The following SPIN1 variants were observed in gnomAD, a reference collection of about 807,000 sequenced individuals.
SPIN1 encodes spindlin 1, also known as spindlin-1.
SPIN1 carries 3 observed loss-of-function variants against 26.0 expected under a neutral mutation model. The ratio of observed to expected loss-of-function variants is 0.12; its 90% CI spans 0.05 to 0.30. SPIN1 has a LOEUF of 0.30. Among genes scored for constraint, SPIN1 ranks in the 10% least tolerant of loss-of-function variants. SPIN1 has a pLI of 1.00. For synonymous variants in SPIN1, 101 were observed against 116.5 expected, an observed-to-expected ratio of 0.87 and a Z score of 0.86; for missense variants, 126 against 333.4, an observed-to-expected ratio of 0.38 and a Z score of 4.84.
chr9:88,445,107 G>A (rs1828219570), intron 2 of SPIN1, among the ~76,000 whole-genome samples: 3 of 152,246 alleles, frequency 2.0e-5, no homozygotes, highest in Non-Finnish European at 2.9e-5. Flanking sequence ...ACTCAGCACT[G>A]AGTACATCCA....
At chr9:88,445,381 G>A (rs973869564) in intron 2 of SPIN1, among the ~76,000 whole-genome samples, 3 of 151,854 alleles carry the variant, frequency 2.0e-5, no homozygotes, top group East Asian at 3.9e-4. Flanking sequence ...CTCTGTCCAC[G>A]TCTCAGTGCG....
rs1201279939 is a variant in SPIN1 at position 88,426,392 on chromosome 9, A to T, written c.-148A>T. The T allele has an allele frequency of 5.1e-6, 3 of 593,004 alleles. No homozygotes were observed. Among genetic ancestry groups the T allele is most frequent in the Non-Finnish European group, 6.1e-6 (2 of 329,104 alleles). The allele number at this position is 593,004 out of a possible 1,614,324, so 36.7% of individuals were successfully genotyped here. On this transcript the variant is annotated 5_prime_UTR_variant, in exon 2 of 6. Coordinates refer to ENST00000375859, the MANE Select transcript of SPIN1 (RefSeq NM_006717.3). The stretch of plus-strand genomic sequence containing the variant: ...TTCACTATTTTACAGAGTGCTTGTG[A>T]TTTCACGTATTTTTGCTGAACTCGT...
rs1828499494 is a variant in SPIN1, at chr9:88,457,792, T to C, written c.102-4704T>C. On this transcript the variant is annotated intron_variant, in intron 3 of 5. Coordinates refer to ENST00000375859, the MANE Select transcript of SPIN1 (RefSeq NM_006717.3). The stretch of plus-strand genomic sequence containing the variant: ...TTTACCTGAAAGAATTACCAGAGGA[T>C]GTATCTAGAAAGACAGAATATACAT... 27 of 956,150 alleles carry C rather than the reference T, an allele frequency of 2.8e-5. No homozygotes were observed. In the South Asian group the frequency reaches 1.1e-3, roughly 38 times the overall value. 59.2% of individuals were successfully genotyped at this position (956,150 alleles called of 1,614,324 possible). A position where few individuals can be genotyped will look rare whatever the true frequency, so the allele number is the denominator to read the frequency against.
chr9:88,405,536 C>CTTT (rs757565862), intron 1 of SPIN1, among the ~76,000 whole-genome samples: 2 of 110,730 alleles, frequency 1.8e-5, no homozygotes, highest in Non-Finnish European at 1.7e-5. Context: ...CTGTACTATC[C>CTTT]TTTTTTTTTT....
At chr9:88,473,559 C>G (rs1370048572) in intron 5 of SPIN1, among the ~76,000 whole-genome samples, 1 of 151,756 alleles carries the variant, frequency 6.6e-6, no homozygotes, top group African/African-American at 2.4e-5. Flanking sequence ...TTAACCTAAT[C>G]ATAGGAAATG....
At chr9:88,395,128 A>G (rs765383914) in intron 1 of SPIN1, among the ~76,000 whole-genome samples, 1 of 151,928 alleles carries the variant, frequency 6.6e-6, no homozygotes, top group Non-Finnish European at 1.5e-5. Context: ...ATTTTTTAAC[A>G]TGTAGAACAT....
At chr9:88,464,307 T>TA (rs1240783537) in intron 4 of SPIN1, among the ~76,000 whole-genome samples, 1 of 152,256 alleles carries the variant, frequency 6.6e-6, no homozygotes, top group Admixed American at 6.5e-5. Flanking sequence ...AAACAGCAGT[T>TA]ACTTTGGCAT....
At chr9:88,389,629 C>T (rs1264592099) in intron 1 of SPIN1, among the ~76,000 whole-genome samples, 1 of 152,154 alleles carries the variant, frequency 6.6e-6, no homozygotes, top group East Asian at 1.9e-4. Context: ...ATACCAGGAA[C>T]ATTTAAATGT....
In SPIN1 at chr9:88,463,701, T is replaced by A. The variant is rs565845702; in HGVS notation, c.355+952T>A. The stretch of plus-strand genomic sequence containing the variant: ...CTTTAGATATCAAATGCTAAATCCT[T>A]GCTCATCTGTATAAATATGGTTCAG... On this transcript the variant is annotated intron_variant, in intron 4 of 5. Transcript: ENST00000375859. Among the ~76,000 whole-genome samples, 6 of 152,366 alleles carry A rather than the reference T, an allele frequency of 3.9e-5. No individual in the cohort carries two copies. In the South Asian group the frequency reaches 1.2e-3, roughly 32 times the overall value.
chr9:88,405,417 CGG>C (rs1587775677), intron 1 of SPIN1, among the ~76,000 whole-genome samples: 1 of 151,138 alleles, frequency 6.6e-6, no homozygotes, highest in East Asian at 2.0e-4. Flanking sequence ...TTAGTAGAGA[CGG>C]GGTTTCACCA....
At chr9:88,404,187 C>CT (rs758825638) in intron 1 of SPIN1, among the ~76,000 whole-genome samples, 3 of 152,306 alleles carry the variant, frequency 2.0e-5, no homozygotes. Context: ...ATGAATGGAG[C>CT]TTGCAGGATT....
At position 88,462,480 on chromosome 9, in the gene SPIN1, ATATG is replaced by A; in HGVS notation, c.102-14_102-11del. ...TTTTGAGATAATACCTTATGTGTGTATATGTGTGAATACAGAAAACATCGGAGCA... is the reference window on the plus strand; with the variant it reads ...TTTTGAGATAATACCTTATGTGTGTATGTGAATACAGAAAACATCGGAGCA... On this transcript the variant is annotated splice_polypyrimidine_tract_variant and intron_variant, in intron 3 of 5. Coordinates refer to ENST00000375859, the MANE Select transcript of SPIN1 (RefSeq NM_006717.3). 6.2e-7 allele frequency: 1 copy of A among 1,613,042 alleles called. No homozygotes were observed. The highest frequency in any genetic ancestry group is 8.5e-7 in the Non-Finnish European group (1 of 1,179,480).
At chr9:88,452,343 A>G (rs1828370469) in intron 3 of SPIN1, among the ~76,000 whole-genome samples, 2 of 152,184 alleles carry the variant, frequency 1.3e-5, no homozygotes, top group South Asian at 4.1e-4. Flanking sequence ...TCCAGAGCCC[A>G]TGTTATTAAG....
At chr9:88,396,913 T>G (rs1827074944) in intron 1 of SPIN1, among the ~76,000 whole-genome samples, 1 of 152,020 alleles carries the variant, frequency 6.6e-6, no homozygotes, top group Non-Finnish European at 1.5e-5. Context: ...TTTATTTATC[T>G]AAACATATCT....
chr9:88,430,516 A>G (rs929790811), intron 2 of SPIN1, among the ~76,000 whole-genome samples: 38 of 152,252 alleles, frequency 2.5e-4, no homozygotes, highest in African/African-American at 8.9e-4. Flanking sequence ...ATTTGTGGCT[A>G]TGTTTTAAAA....
chr9:88,397,513 A>G lies in SPIN1; in HGVS notation c.-159+8975A>G, dbSNP rs889550497. On this transcript the variant is annotated intron_variant, in intron 1 of 5. Transcript: ENST00000375859. ...ATTCCTGGTCTTTAGAGTTTGGCTCAAGCATCACTTTTAATGAAATTTTCT... is the reference window on the plus strand; with the variant it reads ...ATTCCTGGTCTTTAGAGTTTGGCTCGAGCATCACTTTTAATGAAATTTTCT... Among the ~76,000 whole-genome samples the G allele has an allele frequency of 3.3e-5, 5 of 152,106 alleles. 1 individual carries two copies. The highest frequency in any genetic ancestry group is 3.3e-4 in the Admixed American group (5 of 15,230).
intron 2 of SPIN1, among the ~76,000 whole-genome samples, chr9:88,442,411 C>CTT (rs112471036): frequency 6.3e-4 from 90 of 142,222 alleles, no homozygotes; most frequent in Middle Eastern, 3.6e-3. Context: ...TTTTTCTTTC[C>CTT]TTTTTTTTTT....
At chr9:88,458,076 A>C (rs944041620) in intron 3 of SPIN1, 1 of 806,486 alleles carries the variant, frequency 1.2e-6, no homozygotes. Flanking sequence ...TTTAATAGAA[A>C]AATGAAAGTT....
chr9:88,470,978 A>G (rs1320850722), intron 5 of SPIN1, among the ~76,000 whole-genome samples: 1 of 152,178 alleles, frequency 6.6e-6, no homozygotes, highest in Non-Finnish European at 1.5e-5. Flanking sequence ...GTCTTTCATT[A>G]TTGCATTGTG....
Sources: gnomAD v4.1 joint callset for allele counts (sites outside exome capture counted in the v4.1 genomes callset) on GRCh38, gnomAD v4.1.1 for gene constraint, MANE v1.5 for transcripts, NCBI Gene and HGNC (gene_info 2026-07-23, HGNC 2026-07-21) for gene names.